The following GON4L variants were observed in gnomAD, a reference collection of about 807,000 sequenced individuals.
GON4L encodes gon-4 like.
A neutral mutation model predicts 211.8 loss-of-function variants in GON4L; 87 were observed. That is an observed-to-expected ratio of 0.41 (90% CI 0.35 to 0.49). The LOEUF is 0.49. Among genes scored for constraint, GON4L ranks in the 20% least tolerant of loss-of-function variants. The pLI, the probability that GON4L is intolerant of heterozygous loss-of-function variation, is 0.15. For missense variants in GON4L, 2,155 were observed against 2,659.5 expected (o/e 0.81, Z 4.17); for synonymous variants, 875 against 962.6 (o/e 0.91, Z 1.68).
downstream of GON4L, among the ~76,000 whole-genome samples, chr1:155,748,956 ATTC>A (rs1443793651): frequency 6.6e-6 from 1 of 152,200 alleles, no homozygotes. Flanking sequence ...TAACATAAAA[ATTC>A]TTAAGTTTCT....
chr1:155,843,169 G>A (rs1475791504), intron 2 of GON4L, among the ~76,000 whole-genome samples: 5 of 152,144 alleles, frequency 3.3e-5, no homozygotes, highest in African/African-American at 1.2e-4. Flanking sequence ...AAAGCCCAGT[G>A]TGATACTCAG....
At chr1:155,751,725 TTGACCTC>T in intron 31 of GON4L, 35 bp downstream of exon 31, 1 of 1,297,958 alleles carries the variant, frequency 7.7e-7, no homozygotes, top group Non-Finnish European at 1.1e-6. Flanking sequence ...GTTGGCCACC[TTGACCTC>T]TTTTTGCCAG....
intron 1 of GON4L, among the ~76,000 whole-genome samples, chr1:155,855,386 T>C (rs1672178455): frequency 6.6e-6 from 1 of 152,090 alleles, no homozygotes; most frequent in South Asian, 2.1e-4. Flanking sequence ...AAACAAGGTC[T>C]TGCTCTGTCA....
intron 2 of GON4L, among the ~76,000 whole-genome samples, chr1:155,838,566 G>A (rs1044731138): frequency 9.2e-5 from 14 of 152,192 alleles, no homozygotes; most frequent in African/African-American, 3.4e-4. Flanking sequence ...CTTGAGGTCA[G>A]GAGTTTGAGA....
rs551275477 is a variant in GON4L, at chr1:155,843,141, G to A, written c.505+10135C>T. Reference sequence around the variant, plus strand: ...GAGAAACACCTTACTTGTCCTTATTGAGTATAGGGACCACCCTAAAGCCCA... The same window carrying A: ...GAGAAACACCTTACTTGTCCTTATTAAGTATAGGGACCACCCTAAAGCCCA... On this transcript the variant is annotated intron_variant, in intron 2 of 31. Coordinates refer to ENST00000368331, the MANE Select transcript of GON4L (RefSeq NM_001282860.2). Among the ~76,000 whole-genome samples the A allele has an allele frequency of 3.2e-4, 49 of 152,266 alleles. No homozygotes were observed. In the South Asian group the frequency reaches 9.9e-3, roughly 31 times the overall value.
At chr1:155,826,791 T>C (rs763672602) in intron 3 of GON4L, 46 bp downstream of exon 3, 2 of 1,265,222 alleles carry the variant, frequency 1.6e-6, no homozygotes, top group South Asian at 2.4e-5. Context: ...CATATTATAC[T>C]TCAATAAAGA....
intron 3 of GON4L, among the ~76,000 whole-genome samples, chr1:155,826,424 G>C (rs1669221370): frequency 6.6e-6 from 1 of 151,860 alleles, no homozygotes; most frequent in East Asian, 1.9e-4. Flanking sequence ...AATTAAGCCG[G>C]GTGTGGTGGC....
upstream of GON4L, among the ~76,000 whole-genome samples, chr1:155,857,528 GA>G (rs1418097355): frequency 2.0e-5 from 3 of 151,964 alleles, no homozygotes; most frequent in African/African-American, 7.3e-5. Context: ...TCGGGAGTTC[GA>G]GATCACCCTG....
intron 19 of GON4L, among the ~76,000 whole-genome samples, chr1:155,770,007 G>A (rs2101787917): frequency 1.8e-5 from 2 of 112,206 alleles, no homozygotes; most frequent in East Asian, 3.0e-4. Flanking sequence ...GGGCAATATA[G>A]GGACACTCCA....
chr1:155,779,126 G>C (rs1439922319), intron 14 of GON4L, among the ~76,000 whole-genome samples: 1 of 151,152 alleles, frequency 6.6e-6, no homozygotes, highest in Admixed American at 6.6e-5. Flanking sequence ...CAGTCGTGGG[G>C]GCCTGTAGTC....
intron 2 of GON4L, among the ~76,000 whole-genome samples, chr1:155,849,792 A>AG (rs1330738744): frequency 2.0e-5 from 3 of 150,254 alleles, no homozygotes; most frequent in African/African-American, 7.3e-5. Context: ...AAAAAAAAAA[A>AG]AAAGAAAGAA....
At chr1:155,745,538 G>C (rs375147741), downstream of GON4L, among the ~76,000 whole-genome samples, 81 of 152,364 alleles carry the variant, frequency 5.3e-4, no homozygotes, top group African/African-American at 1.8e-3. Context: ...CCGCGCCCTG[G>C]CGGCCCCAAG....
chr1:155,820,368 A>G (rs1446223970), intron 6 of GON4L, among the ~76,000 whole-genome samples: 5 of 152,230 alleles, frequency 3.3e-5, no homozygotes, highest in Admixed American at 6.5e-5. Context: ...ATTGATTTCA[A>G]CTATTCCAAA....
intron 3 of GON4L, among the ~76,000 whole-genome samples, chr1:155,825,497 G>A (rs557423153): frequency 3.3e-5 from 5 of 151,500 alleles, no homozygotes; most frequent in South Asian, 2.1e-4. Context: ...GCTGGAACCC[G>A]GAAGGCAGAC....
chr1:155,775,992 C>T (rs1387417166), intron 16 of GON4L, among the ~76,000 whole-genome samples: 1 of 151,968 alleles, frequency 6.6e-6, no homozygotes, highest in African/African-American at 2.4e-5. Context: ...CATGTTGCCC[C>T]AGCTAGTCTG....
intron 12 of GON4L, among the ~76,000 whole-genome samples, chr1:155,791,873 ATAAC>A (rs1363082454): frequency 4.3e-5 from 3 of 69,856 alleles, no homozygotes; most frequent in Non-Finnish European, 8.7e-5. Context: ...CATCTCAAAA[ATAAC>A]ATAACATAAC....
intron 22 of GON4L, among the ~76,000 whole-genome samples, chr1:155,762,620 A>G (rs1409828995): frequency 2.0e-5 from 3 of 152,272 alleles, no homozygotes; most frequent in Non-Finnish European, 4.4e-5. Flanking sequence ...AAGGAAGTCT[A>G]AAGAGCAAGT....
chr1:155,808,878 T>C (rs1052241612), intron 10 of GON4L, among the ~76,000 whole-genome samples: 1 of 152,058 alleles, frequency 6.6e-6, no homozygotes, highest in Non-Finnish European at 1.5e-5. Flanking sequence ...TCCTAAAGTG[T>C]TGGGATTATG....
intron 2 of GON4L, among the ~76,000 whole-genome samples, chr1:155,837,516 C>T (rs1279917365): frequency 6.6e-6 from 1 of 152,054 alleles, no homozygotes; most frequent in Non-Finnish European, 1.5e-5. Flanking sequence ...TTGTGGGTCC[C>T]TGGGACAGTC....
Sources: gnomAD v4.1 joint callset for allele counts (sites outside exome capture counted in the v4.1 genomes callset) on GRCh38, gnomAD v4.1.1 for gene constraint, MANE v1.5 for transcripts, NCBI Gene and HGNC (gene_info 2026-07-23, HGNC 2026-07-21) for gene names.